The following EMB variants were observed in gnomAD, a reference collection of about 807,000 sequenced individuals.
EMB encodes the protein embigin.
A neutral mutation model predicts 41.4 loss-of-function variants in EMB; 31 were observed. The observed-to-expected ratio is 0.75, with a 90% CI of 0.56 to 1.01. The LOEUF (loss-of-function observed/expected upper bound fraction) is 1.01. Ranked by LOEUF, EMB falls within the 50% of genes least tolerant of loss-of-function variation. The pLI, the probability that EMB is intolerant of heterozygous loss-of-function variation, is 0.00. For missense variants in EMB, 379 were observed against 388.3 expected (o/e 0.98, Z 0.20); for synonymous variants, 137 against 140.4 (o/e 0.98, Z 0.17).
At chr5:50,416,586 T>G (rs1382881932) in intron 2 of EMB, among the ~76,000 whole-genome samples, 1 of 152,182 alleles carries the variant, frequency 6.6e-6, no homozygotes, top group Non-Finnish European at 1.5e-5. Context: ...GCTTTAAAGA[T>G]AGAAACCCTT....
intron 2 of EMB, among the ~76,000 whole-genome samples, chr5:50,422,312 G>A (rs1427868187): frequency 6.6e-6 from 1 of 152,144 alleles, no homozygotes; most frequent in Non-Finnish European, 1.5e-5. Flanking sequence ...AGTATAACAA[G>A]CTTATTAGGT....
At chr5:50,413,703 G>A (rs186434581) in intron 2 of EMB, among the ~76,000 whole-genome samples, 164 of 151,694 alleles carry the variant, frequency 1.1e-3, no homozygotes, top group Non-Finnish European at 1.8e-3. Flanking sequence ...AGCCTCCCAA[G>A]TAGCTGGGAT....
At chr5:50,427,992 C>A in intron 2 of EMB, 152 bp downstream of exon 2, 1 of 569,982 alleles carries the variant, frequency 1.8e-6, no homozygotes. Context: ...GTCCTCACCA[C>A]ATTAGATTCC....
rs372913402 is a variant in EMB at position 50,411,170 on chromosome 5, A to G, written c.383+27T>C. On this transcript the variant is annotated intron_variant, in intron 3 of 8. Coordinates refer to ENST00000303221, the MANE Select transcript of EMB (RefSeq NM_198449.3). ...TAGAATTAAGCTACTTTTGGTGAGC[A>G]AGGTAGGTTAAAATTTGTATACTCA... 4 of 1,560,560 alleles carry G rather than the reference A, an allele frequency of 2.6e-6. No individual in the cohort carries two copies. In the African/African-American group the frequency reaches 5.5e-5, roughly 21 times the overall value.
rs779876213 is a variant in EMB at position 50,405,840 on chromosome 5, T to A, written c.485A>T (p.His162Leu). ...GTFNFKVPEL[H>L]GKNKPLISYV... ...AGAGATCAATGGCTTGTTTTTCCCA[T>A]GAAGTTCAGGGACTGAGAATAAAAT... is the stretch of plus-strand genomic sequence containing the variant. The change falls in exon 5 of 9, where the codon CAT (histidine) becomes CTT (leucine). Residue 162 changes from histidine (H) to leucine (L), a missense_variant. By Grantham distance (99) the His-to-Leu change is moderately conservative. Transcript: ENST00000303221. 5 of 1,584,706 alleles carry A rather than the reference T, an allele frequency of 3.2e-6. No homozygotes were observed. Among genetic ancestry groups the A allele is most frequent in the Middle Eastern group, 1.7e-4 (1 of 5,900 alleles).
chr5:50,429,985 T>TG (rs1235773800), intron 1 of EMB, among the ~76,000 whole-genome samples: 3 of 146,744 alleles, frequency 2.0e-5, no homozygotes, highest in African/African-American at 7.6e-5. Flanking sequence ...TCTCTCTCTC[T>TG]CTCTCTCTCT....
rs1292433876 is a variant in EMB at position 50,405,778 on chromosome 5, G to A, written c.547C>T (p.Gln183Ter). 1.2e-6 allele frequency: 2 copies of A among 1,607,162 alleles called. No individual in the cohort carries two copies. The highest frequency in any genetic ancestry group is 1.1e-5 in the South Asian group (1 of 90,072). The stretch of plus-strand genomic sequence containing the variant: ...GTCCAATTTAAAGGAAAACAATTTT[G>A]ACATTTACATGTCAAGACAGTAGAA... ...GDSTVLTCKC[Q>*]NCFPLNWTWY... The change falls in exon 5 of 9, where the codon CAA (glutamine) becomes TAA (stop). Residue 183 changes from glutamine to a stop codon, truncating the protein, a stop_gained. Transcript: ENST00000303221. LOFTEE classifies it high-confidence loss of function.
At chr5:50,428,075 G>A in intron 2 of EMB, 69 bp downstream of exon 2, 1 of 1,118,316 alleles carries the variant, frequency 8.9e-7, no homozygotes, top group East Asian at 2.4e-5. Flanking sequence ...AAAAGCAGTA[G>A]CTTTGTTTAA....
rs768666407 is a variant in EMB, at chr5:50,405,777, T to A, written c.548A>T (p.Gln183Leu). 6.2e-7 allele frequency: 1 copy of A among 1,607,296 alleles called. No individual in the cohort carries two copies. The highest frequency in any genetic ancestry group is 1.1e-5 in the South Asian group (1 of 90,024). Reference protein sequence around the residue: ...GDSTVLTCKCQNCFPLNWTWY... With the variant: ...GDSTVLTCKCLNCFPLNWTWY... ...GGTCCAATTTAAAGGAAAACAATTTTGACATTTACATGTCAAGACAGTAGA... is the reference window on the plus strand; with the variant it reads ...GGTCCAATTTAAAGGAAAACAATTTAGACATTTACATGTCAAGACAGTAGA... Residue 183 changes from glutamine (Q) to leucine (L), a missense_variant, in exon 5 of 9, where the codon CAA (glutamine) becomes CTA (leucine). Transcript: ENST00000303221.
intron 1 of EMB, among the ~76,000 whole-genome samples, chr5:50,438,770 C>T (rs1745847112): frequency 6.6e-6 from 1 of 152,132 alleles, no homozygotes; most frequent in Non-Finnish European, 1.5e-5. Flanking sequence ...TTGTCTTGTA[C>T]ATTATTCCAC....
chr5:50,436,089 TA>T (rs1464771515), intron 1 of EMB, among the ~76,000 whole-genome samples: 7 of 152,196 alleles, frequency 4.6e-5, no homozygotes, highest in African/African-American at 1.7e-4. Context: ...GGGTGCTAAG[TA>T]TACTCATCAC....
intron 2 of EMB, among the ~76,000 whole-genome samples, chr5:50,420,148 A>G (rs1249391395): frequency 1.3e-5 from 2 of 152,168 alleles, no homozygotes; most frequent in African/African-American, 4.8e-5. Context: ...TATGTAACAA[A>G]CCTGTACATC....
At chr5:50,438,406 T>G (rs1745840766) in intron 1 of EMB, among the ~76,000 whole-genome samples, 1 of 152,128 alleles carries the variant, frequency 6.6e-6, no homozygotes, top group South Asian at 2.1e-4. Context: ...AGATGAATTT[T>G]GAAAGGTGAA....
intron 2 of EMB, among the ~76,000 whole-genome samples, chr5:50,420,575 A>G (rs1225896916): frequency 6.6e-6 from 1 of 152,152 alleles, no homozygotes; most frequent in Non-Finnish European, 1.5e-5. Context: ...TATACTTCCT[A>G]GCATTTGGCA....
rs547326182 is a variant in EMB, at chr5:50,436,475, A to C, written c.112+4565T>G. On this transcript the variant is annotated intron_variant, in intron 1 of 8. Transcript: ENST00000303221. ...TTGCTACTGCCACACCTGTCCCCAC[A>C]GAGATGTCTCCTTACCCACTCAGGC... Among the ~76,000 whole-genome samples the C allele has an allele frequency of 3.9e-5, 6 of 152,300 alleles. No individual in the cohort carries two copies. In the East Asian group the frequency reaches 7.7e-4, roughly 20 times the overall value.
chr5:50,435,586 T>C (rs1315148623), intron 1 of EMB, among the ~76,000 whole-genome samples: 1 of 152,238 alleles, frequency 6.6e-6, no homozygotes, highest in Non-Finnish European at 1.5e-5. Context: ...GAAGTGATGC[T>C]GTGCTCTTCT....
chr5:50,411,192 C>T lies in EMB; in HGVS notation c.383+5G>A. 8.8e-6 allele frequency: 14 copies of T among 1,586,356 alleles called. No homozygotes were observed. Among genetic ancestry groups the T allele is most frequent in the Non-Finnish European group, 1.2e-5 (14 of 1,166,014 alleles). The stretch of plus-strand genomic sequence containing the variant: ...AGCAAGGTAGGTTAAAATTTGTATA[C>T]TCACCTGTATTGGGTATACAAGGTG... On this transcript the variant is annotated splice_donor_5th_base_variant and intron_variant, in intron 3 of 8. Coordinates refer to ENST00000303221, the MANE Select transcript of EMB (RefSeq NM_198449.3).
At chr5:50,439,221 G>C (rs1745854442) in intron 1 of EMB, among the ~76,000 whole-genome samples, 1 of 152,012 alleles carries the variant, frequency 6.6e-6, no homozygotes, top group African/African-American at 2.4e-5. Flanking sequence ...GAATGCACTG[G>C]TTCTCAGAAC....
rs193276501 is a variant in EMB at position 50,438,847 on chromosome 5, C to A, written c.112+2193G>T. Among the ~76,000 whole-genome samples, 707 of 152,074 alleles carry A rather than the reference C, an allele frequency of 4.6e-3. 7 individuals are homozygous for A. Among genetic ancestry groups the A allele is most frequent in the African/African-American group, 0.016 (675 of 41,482 alleles). Reference sequence around the variant, plus strand: ...ATATACATAGAGTGACATCCCCTCCCCCATTCATCTTATTGATTTACACCT... The same window carrying A: ...ATATACATAGAGTGACATCCCCTCCACCATTCATCTTATTGATTTACACCT... On this transcript the variant is annotated intron_variant, in intron 1 of 8. Coordinates refer to ENST00000303221, the MANE Select transcript of EMB (RefSeq NM_198449.3).
Sources: gnomAD v4.1 joint callset for allele counts (sites outside exome capture counted in the v4.1 genomes callset) on GRCh38, gnomAD v4.1.1 for gene constraint, MANE v1.5 for transcripts, NCBI Gene and HGNC (gene_info 2026-07-23, HGNC 2026-07-21) for gene names.